Variants in CSMD1 observed in about 807,000 individuals in gnomAD.
The protein encoded by CSMD1 is CUB and Sushi multiple domains 1, also known as CUB and sushi domain-containing protein 1.
A neutral mutation model predicts 417.5 loss-of-function variants in CSMD1; 213 were observed. The ratio of observed to expected loss-of-function variants is 0.51; its 90% CI spans 0.46 to 0.57. CSMD1 has a LOEUF of 0.57. CSMD1 is among the 20% of genes least tolerant of loss of function. The probability of loss-of-function intolerance (pLI) is 0.00; values close to 1 mark genes in which losing one functional copy is unlikely to be tolerated. For missense variants in CSMD1, 6,923 were observed against 4,529.7 expected (o/e 1.53, Z -15.17); for synonymous variants, 2,862 against 1,736.8 (o/e 1.65, Z -16.11).
intron 7 of CSMD1, among the ~76,000 whole-genome samples, chr8:3,694,953 A>G (rs996353339): frequency 1.6e-4 from 25 of 152,108 alleles, no homozygotes; most frequent in African/African-American, 6.0e-4. Flanking sequence ...CAGTATGTCA[A>G]GAAAAGTAGT....
At chr8:3,455,014 T>C (rs1457903357) in intron 12 of CSMD1, among the ~76,000 whole-genome samples, 2 of 152,200 alleles carry the variant, frequency 1.3e-5, no homozygotes, top group Admixed American at 1.3e-4. Context: ...TTTGTTTCTT[T>C]TTATTCTTTT....
chr8:3,650,289 AG>A (rs1797787690), intron 7 of CSMD1, among the ~76,000 whole-genome samples: 1 of 151,764 alleles, frequency 6.6e-6, no homozygotes, highest in Admixed American at 6.6e-5. Context: ...GAAAAAAAAA[AG>A]AAAAGTAAAG....
intron 5 of CSMD1, among the ~76,000 whole-genome samples, chr8:3,805,777 CTT>C (rs1435488380): frequency 6.6e-6 from 1 of 152,128 alleles, no homozygotes; most frequent in African/African-American, 2.4e-5. Flanking sequence ...CTACCCCAGT[CTT>C]TGTGAGTCAT....
At chr8:3,404,681 A>C (rs907069523) in intron 15 of CSMD1, among the ~76,000 whole-genome samples, 3 of 152,330 alleles carry the variant, frequency 2.0e-5, no homozygotes, top group African/African-American at 7.2e-5. Context: ...GGGAAAAATC[A>C]CCCATAACCA....
intron 2 of CSMD1, among the ~76,000 whole-genome samples, chr8:4,554,523 G>C (rs1798006660): frequency 6.6e-6 from 1 of 152,164 alleles, no homozygotes; most frequent in African/African-American, 2.4e-5. Context: ...TGGCTTTATA[G>C]AAATTACTGG....
At chr8:4,273,587 G>C (rs1804736418) in intron 3 of CSMD1, among the ~76,000 whole-genome samples, 2 of 152,068 alleles carry the variant, frequency 1.3e-5, no homozygotes, top group African/African-American at 2.4e-5. Context: ...TTTATCATTT[G>C]TCGTTCATTT....
At position 4,552,263 on chromosome 8, in the gene CSMD1, C is replaced by A. The variant is rs79185768; in HGVS notation, c.302+85079G>T. On this transcript the variant is annotated intron_variant, in intron 2 of 69. Transcript: ENST00000635120. ...GGTTAGTAACTCATCTGCTGTGTTT[C>A]TGCTTCAGAAGGACCTGGGAAAATC... 6.9e-3 allele frequency among the ~76,000 whole-genome samples: 1,051 copies of A among 152,148 alleles called. 20 individuals are homozygous for A. The East Asian group carries it at 0.081, about 12-fold the overall frequency.
chr8:2,975,889 G>C (rs944059015), intron 55 of CSMD1, among the ~76,000 whole-genome samples: 1 of 152,044 alleles, frequency 6.6e-6, no homozygotes, highest in Non-Finnish European at 1.5e-5. Flanking sequence ...CCCAGCTCCT[G>C]GAGACTTGAG....
chr8:4,176,106 G>C (rs1026887186), intron 3 of CSMD1, among the ~76,000 whole-genome samples: 2 of 152,064 alleles, frequency 1.3e-5, no homozygotes, highest in Non-Finnish European at 2.9e-5. Flanking sequence ...CTACCTTCTT[G>C]TAGACAGAAA....
At chr8:3,066,515 G>C (rs1431133839) in intron 49 of CSMD1, among the ~76,000 whole-genome samples, 1 of 152,182 alleles carries the variant, frequency 6.6e-6, no homozygotes, top group Non-Finnish European at 1.5e-5. Context: ...TTTTGAAGTG[G>C]ACTCTGGGGG....
intron 1 of CSMD1, among the ~76,000 whole-genome samples, chr8:4,661,124 T>C (rs1317772843): frequency 1.3e-5 from 2 of 152,168 alleles, no homozygotes; most frequent in Admixed American, 1.3e-4. Flanking sequence ...TAGGCATTTA[T>C]CCTAGAAATG....
intron 25 of CSMD1, among the ~76,000 whole-genome samples, chr8:3,289,245 G>A (rs1803376342): frequency 1.4e-5 from 2 of 147,298 alleles, no homozygotes; most frequent in South Asian, 4.2e-4. Flanking sequence ...ATTTAGGTTG[G>A]TTCCACGTCT....
chr8:3,290,307 T>C (rs7837494), intron 25 of CSMD1, among the ~76,000 whole-genome samples: 75,584 of 144,010 alleles, frequency 0.52, 22,581 homozygotes, highest in South Asian at 0.63. Context: ...CTTGGTGATT[T>C]GGGCTCTTTT....
rs377642836 is a variant in CSMD1 at position 3,886,736 on chromosome 8, T to C, written c.818+111167A>G. Among the ~76,000 whole-genome samples, 10 of 152,298 alleles carry C rather than the reference T, an allele frequency of 6.6e-5. No individual in the cohort carries two copies. The East Asian group carries it at 1.7e-3, about 27-fold the overall frequency. ...TAATCTAGTGCCTCTAAGATGGCTG[T>C]CATCAGCCCTATTCTCTGCAGGACA... is the stretch of plus-strand genomic sequence containing the variant. On this transcript the variant is annotated intron_variant, in intron 5 of 69. Coordinates refer to ENST00000635120, the MANE Select transcript of CSMD1 (RefSeq NM_033225.6).
chr8:4,738,125 T>C (rs1338952957), intron 1 of CSMD1, among the ~76,000 whole-genome samples: 1 of 152,208 alleles, frequency 6.6e-6, no homozygotes. Context: ...CAGTTTTCTG[T>C]GCAAGGTCTC....
At chr8:3,936,164 T>C (rs1810476167) in intron 5 of CSMD1, among the ~76,000 whole-genome samples, 1 of 136,420 alleles carries the variant, frequency 7.3e-6, no homozygotes, top group Admixed American at 7.9e-5. Flanking sequence ...AGATACCAGA[T>C]GTCAGTTCAT....
chr8:4,652,394 T>C lies in CSMD1; in HGVS notation c.86-14836A>G, dbSNP rs111813394. Among the ~76,000 whole-genome samples, 559 of 152,090 alleles carry C rather than the reference T, an allele frequency of 3.7e-3. 4 individuals carry two copies. Among genetic ancestry groups the C allele is most frequent in the African/African-American group, 0.013 (522 of 41,458 alleles). On this transcript the variant is annotated intron_variant, in intron 1 of 69. Transcript: ENST00000635120. ...GAGACTTCCATTCTGTTTTTTTGTCTGTTTCATTCTGCTTTGGGAGGAAGT... is the reference window on the plus strand; with the variant it reads ...GAGACTTCCATTCTGTTTTTTTGTCCGTTTCATTCTGCTTTGGGAGGAAGT...
At chr8:3,881,134 C>G (rs959158085) in intron 5 of CSMD1, among the ~76,000 whole-genome samples, 4 of 152,152 alleles carry the variant, frequency 2.6e-5, no homozygotes, top group South Asian at 2.1e-4. Flanking sequence ...CTAAAAAATG[C>G]AGATATGTGC....
rs1187404960 is a variant in CSMD1 at position 4,737,453 on chromosome 8, C to G, written c.86-99895G>C. Among the ~76,000 whole-genome samples the G allele has an allele frequency of 2.6e-5, 4 of 152,078 alleles. No individual in the cohort carries two copies. The East Asian group carries it at 7.7e-4, about 29-fold the overall frequency. On this transcript the variant is annotated intron_variant, in intron 1 of 69. Coordinates refer to ENST00000635120, the MANE Select transcript of CSMD1 (RefSeq NM_033225.6). ...ACAAATTGCCATAACAAAAATTTAC[C>G]TGTTTAACAAACCTGCACCTGTACC...
Sources: gnomAD v4.1 joint callset for allele counts (sites outside exome capture counted in the v4.1 genomes callset) on GRCh38, gnomAD v4.1.1 for gene constraint, MANE v1.5 for transcripts, NCBI Gene and HGNC (gene_info 2026-07-23, HGNC 2026-07-21) for gene names.